The following LPIN1 variants were observed in gnomAD, a reference collection of about 807,000 sequenced individuals.
LPIN1 encodes lipin 1.
A neutral mutation model predicts 107.5 loss-of-function variants in LPIN1; 71 were observed. The ratio of observed to expected loss-of-function variants is 0.66; its 90% CI spans 0.55 to 0.80. LPIN1 has a LOEUF of 0.80. Ranked by LOEUF, LPIN1 falls within the 30% of genes least tolerant of loss-of-function variation. The pLI is 0.00. For synonymous variants in LPIN1, 445 were observed against 452.6 expected, an observed-to-expected ratio of 0.98 and a Z score of 0.21; for missense variants, 1,043 against 1,160.6, an observed-to-expected ratio of 0.90 and a Z score of 1.47.
chr2:11,765,718 C>A lies in LPIN1; in HGVS notation c.177C>A (p.Arg59=), dbSNP rs375376891. The A allele has an allele frequency of 6.2e-7, 1 of 1,610,888 alleles. No homozygotes were observed. Among genetic ancestry groups the A allele is most frequent in the African/African-American group, 1.3e-5 (1 of 74,880 alleles). ...GCTTTGGGAAGATGGGGGTCCTGCG[C>A]TCCCGAGAGAAAGTGGTGAGCTCTC... ...HVRFGKMGVL[R]SREKVVDIEI... Residue 59 remains arginine, a synonymous_variant, in exon 2 of 21, where the codon CGC becomes CGA. Transcript: ENST00000674199. The surrounding 1 kb of genome is among the most constrained non-coding windows in gnomAD (Gnocchi z 4.4).
At chr2:11,677,779 C>A in intron 1 of LPIN1, 2 of 1,448,972 alleles carry the variant, frequency 1.4e-6, no homozygotes, top group South Asian at 2.4e-5. Context: ...GCTCTTCCTC[C>A]TTCCATCCCC....
intron 1 of LPIN1, among the ~76,000 whole-genome samples, chr2:11,740,608 T>G (rs1369032423): frequency 6.9e-6 from 1 of 144,474 alleles, no homozygotes; most frequent in Non-Finnish European, 1.5e-5. Context: ...TGCTTGAACC[T>G]GGTAGGTGGA....
intron 14 of LPIN1, among the ~76,000 whole-genome samples, chr2:11,799,918 A>G (rs1677392011): frequency 6.6e-6 from 1 of 152,200 alleles, no homozygotes; most frequent in Non-Finnish European, 1.5e-5. Context: ...CACTCTACCT[A>G]GAATCAGGAT....
At chr2:11,695,188 C>T (rs1267774046) in intron 1 of LPIN1, among the ~76,000 whole-genome samples, 3 of 152,158 alleles carry the variant, frequency 2.0e-5, no homozygotes, top group African/African-American at 7.2e-5. Flanking sequence ...AAGTAAACAC[C>T]GCCTTCATGG....
intron 4 of LPIN1, 34 bp from the exon 5 acceptor site, chr2:11,773,586 T>C: frequency 6.3e-7 from 1 of 1,587,600 alleles, no homozygotes; most frequent in Non-Finnish European, 8.6e-7. Context: ...TCATTAAGAA[T>C]TCTTTGACTT....
In LPIN1 at chr2:11,815,140, A is replaced by G. The variant is rs1219230982; in HGVS notation, c.2302A>G (p.Met768Val). The G allele has an allele frequency of 1.2e-6, 2 of 1,614,242 alleles. No individual in the cohort carries two copies. The highest frequency in any genetic ancestry group is 1.1e-5 in the South Asian group (1 of 91,086). The change falls in exon 18 of 21, where the codon ATG becomes GTG. Residue 768 changes from methionine to valine, a missense_variant. Coordinates refer to ENST00000674199, the MANE Select transcript of LPIN1 (RefSeq NM_001349206.2). The part of the protein sequence containing the change: ...CSARAIGMAD[M>V]TRGYLHWVNE... ...TGCCCGTGCCATCGGGATGGCGGAC[A>G]TGACGCGGGGCTACCTGCACTGGGT...
chr2:11,745,763 GC>G (rs1666837153), upstream of LPIN1: 1 of 152,424 alleles, frequency 6.6e-6, no homozygotes, highest in Non-Finnish European at 1.5e-5. Flanking sequence ...CCTTGCCTTG[GC>G]CTACAAGACC....
chr2:11,819,385 A>C (rs1681145707), intron 18 of LPIN1, 99 bp from the exon 19 acceptor site: 2 of 816,278 alleles, frequency 2.5e-6, no homozygotes, highest in Non-Finnish European at 4.3e-6. Flanking sequence ...TGAAGATTTG[A>C]GTTTTCTCAG....
At chr2:11,716,650 G>A (rs1242391169) in intron 2 of LPIN1, among the ~76,000 whole-genome samples, 1 of 152,114 alleles carries the variant, frequency 6.6e-6, no homozygotes, top group African/African-American at 2.4e-5. Flanking sequence ...CTGTGGACTC[G>A]TGAGTGCAGA....
chr2:11,790,232 A>G (rs1675478328), intron 12 of LPIN1, among the ~76,000 whole-genome samples: 1 of 152,234 alleles, frequency 6.6e-6, no homozygotes, highest in African/African-American at 2.4e-5. Context: ...GTTTTAGGAA[A>G]CAGAATGACT....
intron 17 of LPIN1, among the ~76,000 whole-genome samples, chr2:11,814,162 T>G (rs1190879248): frequency 1.3e-5 from 2 of 152,058 alleles, no homozygotes; most frequent in African/African-American, 4.8e-5. Flanking sequence ...AAGCGGTGGC[T>G]GCTGAGGAGG....
chr2:11,752,535 C>T (rs1049581789), intron 1 of LPIN1, among the ~76,000 whole-genome samples: 2 of 146,696 alleles, frequency 1.4e-5, no homozygotes, highest in Non-Finnish European at 3.0e-5. Context: ...GGGTTCACGC[C>T]ATTCTCCTGC....
At chr2:11,818,917 A>C (rs554061119) in intron 18 of LPIN1, 2 of 152,308 alleles carry the variant, frequency 1.3e-5, no homozygotes, top group East Asian at 3.9e-4. Context: ...TTTTGTATCT[A>C]TTGAGATGAT....
upstream of LPIN1, chr2:11,745,972 C>T (rs1666858435): frequency 6.6e-6 from 1 of 152,272 alleles, no homozygotes; most frequent in African/African-American, 2.4e-5. Flanking sequence ...CGTTATGTGG[C>T]TCATTGTTTA....
In LPIN1 at chr2:11,739,246, G is replaced by T. The variant is rs1418986887; in HGVS notation, c.-71-2103G>T. 2.0e-5 allele frequency among the ~76,000 whole-genome samples: 3 copies of T among 152,336 alleles called. No homozygotes were observed. The East Asian group carries it at 5.8e-4, about 29-fold the overall frequency. ...GGAGCCCCTGGCTACAGCCATGTGA[G>T]TCACCGTCCTGGAGGCAGATCCTTT... is the stretch of plus-strand genomic sequence containing the variant. On this transcript the variant is annotated intron_variant, in intron 1 of 21. Coordinates refer to the LPIN1 transcript ENST00000396097.
At chr2:11,791,784 T>C (rs939315850) in intron 12 of LPIN1, 130 bp from the exon 13 acceptor site, 3 of 1,502,838 alleles carry the variant, frequency 2.0e-6, no homozygotes, top group African/African-American at 2.8e-5. Flanking sequence ...AACGCACAAA[T>C]AGTATGTTGT....
chr2:11,788,954 G>C (rs952012106), intron 12 of LPIN1, among the ~76,000 whole-genome samples: 2 of 152,212 alleles, frequency 1.3e-5, no homozygotes, highest in African/African-American at 2.4e-5. Context: ...CTGCAGGGGA[G>C]AGTAGGTAAG....
At chr2:11,753,587 C>T (rs1668194929) in intron 1 of LPIN1, among the ~76,000 whole-genome samples, 1 of 152,234 alleles carries the variant, frequency 6.6e-6, no homozygotes, top group Admixed American at 6.5e-5. Context: ...GCGTGGGCTG[C>T]TGCCCAGGTG....
chr2:11,750,099 C>T (rs542263309), intron 1 of LPIN1, among the ~76,000 whole-genome samples: 32 of 152,226 alleles, frequency 2.1e-4, no homozygotes, highest in African/African-American at 3.9e-4. Flanking sequence ...TCCCCGGCCT[C>T]GCTCCCTGGA....
Sources: gnomAD v4.1 joint callset for allele counts (sites outside exome capture counted in the v4.1 genomes callset) on GRCh38, gnomAD v4.1.1 for gene constraint, Gnocchi (gnomAD v3.1) non-coding constraint, MANE v1.5 for transcripts, NCBI Gene and HGNC (gene_info 2026-07-23, HGNC 2026-07-21) for gene names.